POLR2L: variants seen among roughly 807,000 people sequenced by gnomAD.
POLR2L encodes DNA-directed RNA polymerases I, II, and III subunit RPABC5.
A neutral mutation model predicts 6.8 loss-of-function variants in POLR2L; 7 were observed. The ratio of observed to expected loss-of-function variants is 1.03; its 90% CI spans 0.59 to 1.94. POLR2L has a LOEUF of 1.94. Ranked by LOEUF, POLR2L falls within the 30% of genes most tolerant of loss-of-function variation. The probability of loss-of-function intolerance (pLI) is 0.00; values close to 1 mark genes in which losing one functional copy is unlikely to be tolerated. For synonymous variants in POLR2L, 59 were observed against 39.8 expected, an observed-to-expected ratio of 1.48 and a Z score of -1.82; for missense variants, 93 against 86.7, an observed-to-expected ratio of 1.07 and a Z score of -0.29.
chr11:841,683 G>A (rs1014632790), intron 1 of POLR2L, among the ~76,000 whole-genome samples: 1 of 152,204 alleles, frequency 6.6e-6, no homozygotes, highest in Non-Finnish European at 1.5e-5. Flanking sequence ...TGGATCACCT[G>A]AGGTCAGGAG....
At position 840,287 on chromosome 11, in the gene POLR2L, C is replaced by T; in HGVS notation, c.*85G>A. The T allele has an allele frequency of 3.7e-6, 3 of 820,582 alleles. No homozygotes were observed. Among genetic ancestry groups the T allele is most frequent in the Non-Finnish European group, 6.1e-6 (3 of 493,276 alleles). The allele number at this position is 820,582 out of a possible 1,614,324, so 50.8% of individuals were successfully genotyped here. ...ACACTGCGGCCAGGCATTACGCCAG[C>T]TCCCGGATGCCTCAGCCTCGTGAAT... On this transcript the variant is annotated 3_prime_UTR_variant, in exon 2 of 2. Transcript: ENST00000322028.
At position 839,898 on chromosome 11, in the gene POLR2L, C is replaced by G. The variant is rs991961826; in HGVS notation, c.*474G>C. The G allele has an allele frequency of 1.5e-4, 23 of 153,438 alleles. No homozygotes were observed. The highest frequency in any genetic ancestry group is 5.3e-4 in the African/African-American group (22 of 41,500). 9.5% of individuals were successfully genotyped at this position (153,438 alleles called of 1,614,324 possible). On this transcript the variant is annotated 3_prime_UTR_variant, in exon 2 of 2. Transcript: ENST00000322028. Reference sequence around the variant, plus strand: ...GACTCAAGTGATCCTCCTGCCTTGGCCTCCCAAAGTCCTGGGATTATAGGG... The same window carrying G: ...GACTCAAGTGATCCTCCTGCCTTGGGCTCCCAAAGTCCTGGGATTATAGGG...
In POLR2L at chr11:839,940, G is replaced by A. The variant is rs910615356; in HGVS notation, c.*432C>T. ...ATTATAGGGGTGAGCCCCTTTGCCC[G>A]GCCTAAATCTGGCTCTTCAGATTCC... is the stretch of plus-strand genomic sequence containing the variant. On this transcript the variant is annotated 3_prime_UTR_variant, in exon 2 of 2. Coordinates refer to ENST00000322028, the MANE Select transcript of POLR2L (RefSeq NM_021128.5). The A allele has an allele frequency of 8.3e-5, 13 of 156,368 alleles. No homozygotes were observed. Among genetic ancestry groups the A allele is most frequent in the South Asian group, 7.9e-4 (4 of 5,088 alleles). The allele number at this position is 156,368 out of a possible 1,614,324, so 9.7% of individuals were successfully genotyped here.
chr11:840,632 C>G (rs1232880209), intron 1 of POLR2L, 152 bp from the exon 2 acceptor site: 5 of 619,508 alleles, frequency 8.1e-6, no homozygotes, highest in Admixed American at 5.5e-5. Context: ...AAGCTGAGAT[C>G]TAGCAGTATG....
At position 842,420 on chromosome 11, in the gene POLR2L, G is replaced by T; in HGVS notation, c.89C>A (p.Thr30Asn). 1 of 1,585,226 alleles carries T rather than the reference G, an allele frequency of 6.3e-7. No individual in the cohort carries two copies. The highest frequency in any genetic ancestry group is 8.6e-7 in the Non-Finnish European group (1 of 1,168,354). The part of the protein sequence containing the change: ...AYLGLLQAEY[T>N]EGDALDALGL... Reference sequence around the variant, plus strand: ...GCCCCGGCCCGCGCCTCACCCCTCGGTGTACTCGGCCTGCAGCAGCCCCAG... The same window carrying T: ...GCCCCGGCCCGCGCCTCACCCCTCGTTGTACTCGGCCTGCAGCAGCCCCAG... The change falls in exon 1 of 2, where the codon ACC becomes AAC. Residue 30 changes from threonine (T) to asparagine (N), a missense_variant. Physicochemically the swap from Thr to Asn is moderately conservative, Grantham distance 65. Coordinates refer to ENST00000322028, the MANE Select transcript of POLR2L (RefSeq NM_021128.5).
rs536399857 is a variant in POLR2L, at chr11:840,420, G to A, written c.156C>T (p.His52=). The stretch of plus-strand genomic sequence containing the variant: ...TGAGCAGCTTCTCGATCAGGTCCAC[G>A]TGGGCCAGCAGCATCCGGCGGCAGC... ...RYCCRRMLLA[H]VDLIEKLLNY... is the part of the protein sequence containing the mutation. Residue 52 remains histidine (H), a synonymous_variant, in exon 2 of 2, where the codon CAC becomes CAT. Transcript: ENST00000322028. The A allele has an allele frequency of 3.7e-6, 6 of 1,612,128 alleles. No individual in the cohort carries two copies. The highest frequency in any genetic ancestry group is 2.2e-5 in the East Asian group (1 of 44,852).
chr11:840,336 A>AT lies in POLR2L; in HGVS notation c.*35dup. On this transcript the variant is annotated 3_prime_UTR_variant, in exon 2 of 2. Coordinates refer to ENST00000322028, the MANE Select transcript of POLR2L (RefSeq NM_021128.5). ...ATTCGGGGCAGGACGCTCAGGGCCC[A>AT]TGGTCAGCACAGCGGGTGGGTGGGT... is the stretch of plus-strand genomic sequence containing the variant. 7.3e-7 allele frequency: 1 copy of AT among 1,365,674 alleles called. No individual in the cohort carries two copies. The highest frequency in any genetic ancestry group is 1.2e-5 in the South Asian group (1 of 81,484). The allele number at this position is 1,365,674 out of a possible 1,614,324, so 84.6% of individuals were successfully genotyped here. A position where few individuals can be genotyped will look rare whatever the true frequency, so the allele number is the denominator to read the frequency against.
At chr11:842,092 G>A (rs1846985662) in intron 1 of POLR2L, among the ~76,000 whole-genome samples, 1 of 131,920 alleles carries the variant, frequency 7.6e-6, no homozygotes, top group Non-Finnish European at 1.6e-5. Context: ...CCTGGGGGCA[G>A]AGATGGGAAT....
Position 840,349 on chromosome 11 carries a change from CGGGT to C in POLR2L, c.*19_*22del. 1.4e-6 allele frequency: 2 copies of C among 1,472,300 alleles called. No individual in the cohort carries two copies. Among genetic ancestry groups the C allele is most frequent in the Non-Finnish European group, 1.9e-6 (2 of 1,060,552 alleles). The allele number at this position is 1,472,300 out of a possible 1,614,324, so 91.2% of individuals were successfully genotyped here. A position where few individuals can be genotyped will look rare whatever the true frequency, so the allele number is the denominator to read the frequency against. ...CGCTCAGGGCCCATGGTCAGCACAGCGGGTGGGTGGGTTCCAGCGTGGTCACTTC... is the reference window on the plus strand; with the variant it reads ...CGCTCAGGGCCCATGGTCAGCACAGCGGGTGGGTTCCAGCGTGGTCACTTC... On this transcript the variant is annotated 3_prime_UTR_variant, in exon 2 of 2. Coordinates refer to ENST00000322028, the MANE Select transcript of POLR2L (RefSeq NM_021128.5).
At chr11:840,846 C>A (rs79275692) in intron 1 of POLR2L, among the ~76,000 whole-genome samples, 1 of 152,196 alleles carries the variant, frequency 6.6e-6, no homozygotes, top group African/African-American at 2.4e-5. Context: ...GCACTGGCCA[C>A]GGCAGGGTAG....
In POLR2L at chr11:840,159, G is replaced by T. The variant is rs376883751; in HGVS notation, c.*213C>A. On this transcript the variant is annotated 3_prime_UTR_variant, in exon 2 of 2. Coordinates refer to ENST00000322028, the MANE Select transcript of POLR2L (RefSeq NM_021128.5). ...TGGGCTGCCACAGTGTGAAAGCTGG[G>T]CCTAGACCTGGCTCCTGACATCCTA... The T allele has an allele frequency of 1.9e-5, 10 of 513,324 alleles. No homozygotes were observed. The highest frequency in any genetic ancestry group is 1.1e-4 in the East Asian group (3 of 28,330). The allele number at this position is 513,324 out of a possible 1,614,324, so 31.8% of individuals were successfully genotyped here. A position where few individuals can be genotyped will look rare whatever the true frequency, so the allele number is the denominator to read the frequency against.
rs1389311345 is a variant in POLR2L at position 842,165 on chromosome 11, G to A, written c.95+249C>T. 5.3e-5 allele frequency among the ~76,000 whole-genome samples: 8 copies of A among 152,340 alleles called. No individual in the cohort carries two copies. The South Asian group carries it at 1.2e-3, about 24-fold the overall frequency. On this transcript the variant is annotated intron_variant, in intron 1 of 1. Transcript: ENST00000322028. Reference sequence around the variant, plus strand: ...CGCCTGCGACCCGCCAGGCCACCTAGAATCCCCAGGACACCACTGGTTTGA... The same window carrying A: ...CGCCTGCGACCCGCCAGGCCACCTAAAATCCCCAGGACACCACTGGTTTGA...
chr11:840,857 C>G (rs1233307721), intron 1 of POLR2L, among the ~76,000 whole-genome samples: 3 of 152,192 alleles, frequency 2.0e-5, no homozygotes, highest in Non-Finnish European at 4.4e-5. Context: ...GGCAGGGTAG[C>G]TCTCCAGGGG....
chr11:840,543 C>A, intron 1 of POLR2L, 63 bp from the exon 2 acceptor site: 1 of 1,156,240 alleles, frequency 8.6e-7, no homozygotes, highest in South Asian at 1.2e-5. Flanking sequence ...GCCTGGAGCC[C>A]ACATCCAACC....
chr11:840,379 TC>T lies in POLR2L; in HGVS notation c.196del (p.Glu66ArgfsTer27). 1 of 1,603,928 alleles carries T rather than the reference TC, an allele frequency of 6.2e-7. No homozygotes were observed. Among genetic ancestry groups the T allele is most frequent in the Non-Finnish European group, 8.5e-7 (1 of 1,172,956 alleles). ...IEKLLNYAPL[E>X]K is the part of the protein sequence containing the mutation. ...GGGTGGGTTCCAGCGTGGTCACTTCTCCAGGGGTGCATAATTGAGCAGCTTC... is the reference window on the plus strand; with the variant it reads ...GGGTGGGTTCCAGCGTGGTCACTTCTCAGGGGTGCATAATTGAGCAGCTTC... On this transcript the variant is annotated frameshift_variant, in exon 2 of 2. Transcript: ENST00000322028. LOFTEE classifies it high-confidence loss of function.
Position 840,586 on chromosome 11 carries a change from C to A in POLR2L, c.96-106G>T, listed in dbSNP as rs55640254. 288 of 716,512 alleles carry A rather than the reference C, an allele frequency of 4.0e-4. 4 individuals carry two copies. In the East Asian group the frequency reaches 7.8e-3, roughly 19 times the overall value. 44.4% of individuals were successfully genotyped at this position (716,512 alleles called of 1,614,324 possible). On this transcript the variant is annotated intron_variant, in intron 1 of 1. Transcript: ENST00000322028. The stretch of plus-strand genomic sequence containing the variant: ...CACTGCCTGCTGGCCTCACCCCCCC[C>A]GCCACCGGCAAGGCGAACAGATTCA...
At chr11:842,181 ACTG>A (rs1846989481) in intron 1 of POLR2L, among the ~76,000 whole-genome samples, 1 of 152,160 alleles carries the variant, frequency 6.6e-6, no homozygotes, top group African/African-American at 2.4e-5. Flanking sequence ...CCAGGACACC[ACTG>A]GTTTGAAGCC....
At position 840,326 on chromosome 11, in the gene POLR2L, C is replaced by G. The variant is rs1426166503; in HGVS notation, c.*46G>C. On this transcript the variant is annotated 3_prime_UTR_variant, in exon 2 of 2. Coordinates refer to ENST00000322028, the MANE Select transcript of POLR2L (RefSeq NM_021128.5). ...AGCCTCGTGAATTCGGGGCAGGACG[C>G]TCAGGGCCCATGGTCAGCACAGCGG... 7.8e-7 allele frequency: 1 copy of G among 1,290,092 alleles called. No homozygotes were observed. Among genetic ancestry groups the G allele is most frequent in the Non-Finnish European group, 1.1e-6 (1 of 905,212 alleles). 79.9% of individuals were successfully genotyped at this position (1,290,092 alleles called of 1,614,324 possible).
At position 840,355 on chromosome 11, in the gene POLR2L, G is replaced by A; in HGVS notation, c.*17C>T. ...GGGCCCATGGTCAGCACAGCGGGTG[G>A]GTGGGTTCCAGCGTGGTCACTTCTC... On this transcript the variant is annotated 3_prime_UTR_variant, in exon 2 of 2. Transcript: ENST00000322028. The A allele has an allele frequency of 1.3e-6, 2 of 1,507,902 alleles. No homozygotes were observed. Among genetic ancestry groups the A allele is most frequent in the South Asian group, 2.3e-5 (2 of 87,118 alleles). 93.4% of individuals were successfully genotyped at this position (1,507,902 alleles called of 1,614,324 possible). A position where few individuals can be genotyped will look rare whatever the true frequency, so the allele number is the denominator to read the frequency against.
Sources: allele counts gnomAD v4.1 joint callset (sites outside exome capture counted in the v4.1 genomes callset), GRCh38; gene constraint gnomAD v4.1.1; transcripts MANE v1.5; gene names NCBI Gene and HGNC (gene_info 2026-07-23, HGNC 2026-07-21).